Variants in BEND7 observed in about 807,000 individuals in gnomAD.
BEND7 encodes the protein BEN domain containing 7.
Under a neutral mutation model 50.9 loss-of-function variants are expected in BEND7, and 28 were observed. The ratio of observed to expected loss-of-function variants is 0.55; its 90% CI spans 0.41 to 0.75. The LOEUF (loss-of-function observed/expected upper bound fraction) is 0.75. Among genes scored for constraint, BEND7 ranks in the 30% least tolerant of loss-of-function variants. The probability of loss-of-function intolerance (pLI) is 0.00; values close to 1 mark genes in which losing one functional copy is unlikely to be tolerated. For missense variants in BEND7, 477 were observed against 491.3 expected (o/e 0.97, Z 0.28); for synonymous variants, 170 against 183.9 (o/e 0.92, Z 0.61).
At chr10:13,502,373 G>A (rs2077535079) in intron 2 of BEND7, among the ~76,000 whole-genome samples, 1 of 152,124 alleles carries the variant, frequency 6.6e-6, no homozygotes, top group Admixed American at 6.5e-5. Context: ...GCTATGTGTT[G>A]TTGGCATATG....
intron 5 of BEND7, among the ~76,000 whole-genome samples, chr10:13,489,586 C>A (rs1000785102): frequency 6.6e-6 from 1 of 152,142 alleles, no homozygotes; most frequent in Admixed American, 6.5e-5. Flanking sequence ...TAATCACAGT[C>A]TCTGCTCTTG....
intron 6 of BEND7, among the ~76,000 whole-genome samples, chr10:13,462,449 T>G (rs1377539563): frequency 6.6e-6 from 1 of 152,214 alleles, no homozygotes; most frequent in Non-Finnish European, 1.5e-5. Flanking sequence ...ATTCAGTTAT[T>G]TCCACCTGGC....
chr10:13,450,800 T>G (rs1837498836), intron 7 of BEND7, among the ~76,000 whole-genome samples: 1 of 152,028 alleles, frequency 6.6e-6, no homozygotes, highest in South Asian at 2.1e-4. Flanking sequence ...GAGCAGGCTG[T>G]GGCTTGGGTC....
At chr10:13,509,238 T>G (rs951555957) in intron 2 of BEND7, among the ~76,000 whole-genome samples, 2 of 152,212 alleles carry the variant, frequency 1.3e-5, no homozygotes, top group African/African-American at 4.8e-5. Flanking sequence ...TAGATGTCCT[T>G]ATGTTTTCTC....
intron 2 of BEND7, chr10:13,511,227 A>T (rs1413063635): frequency 2.0e-5 from 3 of 152,226 alleles, no homozygotes; most frequent in South Asian, 2.1e-4. Flanking sequence ...CAAGTGTATT[A>T]GTGAGAAGGG....
intron 2 of BEND7, chr10:13,500,900 C>T (rs2077397008): frequency 1.1e-6 from 1 of 925,360 alleles, no homozygotes; most frequent in Non-Finnish European, 1.3e-6. Flanking sequence ...TGCCACCTCC[C>T]CTGCAGCGTA....
At chr10:13,511,699 T>C (rs535335820) in intron 2 of BEND7, among the ~76,000 whole-genome samples, 1 of 151,534 alleles carries the variant, frequency 6.6e-6, no homozygotes, top group African/African-American at 2.4e-5. Context: ...GTTAAAGCTA[T>C]GAATACCACT....
intron 7 of BEND7, among the ~76,000 whole-genome samples, chr10:13,451,381 T>G (rs879116528): frequency 3.3e-5 from 5 of 150,484 alleles, no homozygotes; most frequent in African/African-American, 1.2e-4. Flanking sequence ...TCTTTTTTTT[T>G]GGTGTGTGTG....
chr10:13,510,391 G>A (rs1050249438), intron 2 of BEND7, among the ~76,000 whole-genome samples: 1 of 152,136 alleles, frequency 6.6e-6, no homozygotes, highest in East Asian at 1.9e-4. Flanking sequence ...TTTTGGGGCA[G>A]AATATGGGAA....
chr10:13,515,113 G>A (rs993555194), intron 2 of BEND7, among the ~76,000 whole-genome samples: 21 of 152,318 alleles, frequency 1.4e-4, no homozygotes, highest in African/African-American at 4.3e-4. Context: ...TAATGTAAAG[G>A]TATTAATCTT....
At chr10:13,510,892 C>T (rs2078229742) in intron 2 of BEND7, among the ~76,000 whole-genome samples, 1 of 151,874 alleles carries the variant, frequency 6.6e-6, no homozygotes, top group South Asian at 2.1e-4. Flanking sequence ...ACAAACTAGT[C>T]AAGGGCCGGG....
intron 4 of BEND7, among the ~76,000 whole-genome samples, chr10:13,494,234 T>C (rs1387658057): frequency 6.6e-6 from 1 of 152,074 alleles, no homozygotes; most frequent in Non-Finnish European, 1.5e-5. Flanking sequence ...CTGGCCAACA[T>C]GGTGAAACCC....
intron 6 of BEND7, among the ~76,000 whole-genome samples, chr10:13,471,144 T>C (rs1454846102): frequency 6.6e-6 from 1 of 152,250 alleles, no homozygotes; most frequent in Non-Finnish European, 1.5e-5. Flanking sequence ...TCATTTATTT[T>C]ATTCTGTCCT....
At chr10:13,494,471 A>G (rs2076898522) in intron 4 of BEND7, among the ~76,000 whole-genome samples, 1 of 152,218 alleles carries the variant, frequency 6.6e-6, no homozygotes, top group South Asian at 2.1e-4. Context: ...GCCCCACCCC[A>G]GACGAAGTGA....
intron 6 of BEND7, among the ~76,000 whole-genome samples, chr10:13,471,760 C>T (rs1313073004): frequency 6.6e-6 from 1 of 152,254 alleles, no homozygotes; most frequent in Non-Finnish European, 1.5e-5. Context: ...AGAGGTGGAG[C>T]CACCTTCAGA....
chr10:13,438,974 G>C (rs917398929), downstream of BEND7: 99 of 574,242 alleles, frequency 1.7e-4, no homozygotes, highest in Middle Eastern at 4.1e-4. Flanking sequence ...ACTCACTGTC[G>C]TCAGAATGAC....
intron 7 of BEND7, among the ~76,000 whole-genome samples, chr10:13,450,732 G>A (rs182673151): frequency 5.6e-4 from 85 of 152,224 alleles, no homozygotes; most frequent in African/African-American, 2.0e-3. Flanking sequence ...ATATTCTGAT[G>A]TCTAAGGGGC....
intron 6 of BEND7, among the ~76,000 whole-genome samples, chr10:13,461,668 G>A (rs1840234727): frequency 6.6e-6 from 1 of 152,080 alleles, no homozygotes; most frequent in Non-Finnish European, 1.5e-5. Context: ...GGGAGGCAGA[G>A]GTTGCAGTGA....
rs1170068824 is a variant in BEND7 at position 13,528,964 on chromosome 10, G to C, written c.-431C>G. ...GGCTCAGCCTGCGGTCGCGGCGGCG[G>C]CGGCGGCGGCCCCGAAGACGCGGCG... is the stretch of plus-strand genomic sequence containing the variant. On this transcript the variant is annotated 5_prime_UTR_variant, in exon 1 of 9. Transcript: ENST00000466271. 2 of 144,738 alleles carry C rather than the reference G, an allele frequency of 1.4e-5. No homozygotes were observed. The highest frequency in any genetic ancestry group is 3.1e-5 in the Non-Finnish European group (2 of 65,206). The allele number at this position is 144,738 out of a possible 1,614,324, so 9.0% of individuals were successfully genotyped here.
Sources: gnomAD v4.1 joint callset for allele counts (sites outside exome capture counted in the v4.1 genomes callset) on GRCh38, gnomAD v4.1.1 for gene constraint, MANE v1.5 for transcripts, NCBI Gene and HGNC (gene_info 2026-07-23, HGNC 2026-07-21) for gene names.